Variants in LDLRAD3 observed in about 807,000 individuals in gnomAD.
LDLRAD3 encodes the protein low-density lipoprotein receptor class A domain-containing protein 3.
A neutral mutation model predicts 29.4 loss-of-function variants in LDLRAD3; 20 were observed. The observed-to-expected ratio is 0.68, with a 90% CI of 0.48 to 0.99. LDLRAD3 has a LOEUF of 0.99. LDLRAD3 is among the 50% of genes least tolerant of loss of function. The probability of loss-of-function intolerance (pLI) is 0.00; values close to 1 mark genes in which losing one functional copy is unlikely to be tolerated. For missense variants in LDLRAD3, 420 were observed against 454.3 expected, an observed-to-expected ratio of 0.92 and a Z score of 0.69; for synonymous variants, 157 against 192.7, an observed-to-expected ratio of 0.81 and a Z score of 1.53.
At chr11:36,019,765 T>A (rs1852070836) in intron 1 of LDLRAD3, among the ~76,000 whole-genome samples, 1 of 152,068 alleles carries the variant, frequency 6.6e-6, no homozygotes, top group Non-Finnish European at 1.5e-5. Context: ...AAGGCCAAAG[T>A]TAGGGTGCTA....
At chr11:36,039,205 G>A (rs1852348926) in intron 2 of LDLRAD3, among the ~76,000 whole-genome samples, 2 of 152,034 alleles carry the variant, frequency 1.3e-5, no homozygotes, top group South Asian at 2.1e-4. Flanking sequence ...TCCTGACCTC[G>A]TGACCCGCCC....
intron 4 of LDLRAD3, among the ~76,000 whole-genome samples, chr11:36,118,452 A>G (rs1164081221): frequency 6.6e-6 from 1 of 151,664 alleles, no homozygotes; most frequent in Non-Finnish European, 1.5e-5. Flanking sequence ...CTACTGTGCC[A>G]TTTGACACAC....
intron 4 of LDLRAD3, among the ~76,000 whole-genome samples, chr11:36,185,607 G>A (rs1854836552): frequency 6.6e-6 from 1 of 152,106 alleles, no homozygotes; most frequent in Non-Finnish European, 1.5e-5. Context: ...CTGTACCTGG[G>A]CTCCCTCACT....
At chr11:36,114,093 C>A (rs1853642101) in intron 4 of LDLRAD3, among the ~76,000 whole-genome samples, 1 of 152,192 alleles carries the variant, frequency 6.6e-6, no homozygotes. Flanking sequence ...GCCACAGACT[C>A]TTTTGGACTG....
At chr11:36,215,216 C>T (rs2133384584) in intron 4 of LDLRAD3, among the ~76,000 whole-genome samples, 1 of 152,104 alleles carries the variant, frequency 6.6e-6, no homozygotes, top group Middle Eastern at 3.4e-3. Context: ...CAGCAGCAGC[C>T]AGGGAGGAGC....
intron 3 of LDLRAD3, among the ~76,000 whole-genome samples, chr11:36,083,089 G>T (rs145807616): frequency 8.6e-4 from 131 of 152,286 alleles, no homozygotes; most frequent in Middle Eastern, 3.4e-3. Context: ...CAAATCCTCT[G>T]CCCCAACACA....
intron 1 of LDLRAD3, among the ~76,000 whole-genome samples, chr11:36,032,089 C>T (rs1852242123): frequency 6.6e-6 from 1 of 152,190 alleles, no homozygotes; most frequent in Non-Finnish European, 1.5e-5. Flanking sequence ...GGACATCAGT[C>T]ATATGGAATT....
chr11:36,165,098 A>G (rs545132104), intron 4 of LDLRAD3, among the ~76,000 whole-genome samples: 1 of 152,324 alleles, frequency 6.6e-6, no homozygotes, highest in Admixed American at 6.5e-5. Context: ...TTCCATGCCT[A>G]GGCAATGGAG....
chr11:35,950,385 C>T (rs946924647), intron 1 of LDLRAD3, among the ~76,000 whole-genome samples: 1 of 152,166 alleles, frequency 6.6e-6, no homozygotes, highest in African/African-American at 2.4e-5. Flanking sequence ...AGATAAAATA[C>T]TGGTATACGT....
Position 35,999,254 on chromosome 11 carries a change from A to G in LDLRAD3, c.47-36849A>G, listed in dbSNP as rs556890303. Among the ~76,000 whole-genome samples, 32 of 152,282 alleles carry G rather than the reference A, an allele frequency of 2.1e-4. No homozygotes were observed. In the South Asian group the frequency reaches 3.1e-3, roughly 15 times the overall value. On this transcript the variant is annotated intron_variant, in intron 1 of 5. Coordinates refer to ENST00000315571, the MANE Select transcript of LDLRAD3 (RefSeq NM_174902.4). ...CTGGGTGCAGCCTAGAACCGAATGT[A>G]TGTTATAAAAGAGGTGCAGGAAAGT...
chr11:36,119,124 G>GCTCGTCCGTAAT (rs1270647715), intron 4 of LDLRAD3, among the ~76,000 whole-genome samples: 1 of 151,982 alleles, frequency 6.6e-6, no homozygotes, highest in African/African-American at 2.4e-5. Flanking sequence ...AATAAAAAAG[G>GCTCGTCCGTAAT]TTCGTCCGTA....
At chr11:36,025,692 ATT>A (rs1182449388) in intron 1 of LDLRAD3, among the ~76,000 whole-genome samples, 1 of 147,356 alleles carries the variant, frequency 6.8e-6, no homozygotes, top group African/African-American at 2.5e-5. Flanking sequence ...CCCGGCCCAG[ATT>A]TTTTTTTAAG....
rs1278608858 is a variant in LDLRAD3, at chr11:36,227,426, C to G, written c.796C>G (p.Gln266Glu). The G allele has an allele frequency of 1.9e-6, 3 of 1,570,238 alleles. No homozygotes were observed. The highest frequency in any genetic ancestry group is 2.6e-6 in the Non-Finnish European group (3 of 1,158,816). Residue 266 changes from glutamine (Q) to glutamate (E), a missense_variant, in exon 5 of 6, where the codon CAG becomes GAG. Coordinates refer to ENST00000315571, the MANE Select transcript of LDLRAD3 (RefSeq NM_174902.4). ...PPSYSEALLD[Q>E]RPAWYDLPPP... ...CTCCTACTCCGAGGCCTTGCTGGAC[C>G]AGAGGTGTGTGCTGGATGGAAGAGA...
intron 4 of LDLRAD3, among the ~76,000 whole-genome samples, chr11:36,225,540 A>C (rs545910328): frequency 6.6e-6 from 1 of 152,190 alleles, no homozygotes; most frequent in South Asian, 2.1e-4. Flanking sequence ...ACTCCCGAGG[A>C]AGTGCCTGCA....
intron 1 of LDLRAD3, among the ~76,000 whole-genome samples, chr11:36,004,804 C>A (rs909794209): frequency 6.6e-6 from 1 of 152,202 alleles, no homozygotes; most frequent in Non-Finnish European, 1.5e-5. Context: ...TCAACTCTTG[C>A]CTTCTGTGCA....
chr11:36,076,757 T>G (rs1853017369), intron 2 of LDLRAD3, among the ~76,000 whole-genome samples: 1 of 152,186 alleles, frequency 6.6e-6, no homozygotes, highest in Non-Finnish European at 1.5e-5. Flanking sequence ...ACATATTTGT[T>G]CACCCCTAGT....
chr11:36,056,705 C>T (rs566047786), intron 2 of LDLRAD3, among the ~76,000 whole-genome samples: 2 of 152,306 alleles, frequency 1.3e-5, no homozygotes, highest in South Asian at 4.1e-4. Flanking sequence ...CTGAAGGGTG[C>T]AGCAGTGGCT....
intron 2 of LDLRAD3, among the ~76,000 whole-genome samples, chr11:36,073,008 C>T (rs149937993): frequency 1.0e-5 from 1 of 98,052 alleles, no homozygotes; most frequent in South Asian, 2.9e-4. Context: ...GAGTTCTTTA[C>T]TCTGAGACTT....
intron 1 of LDLRAD3, among the ~76,000 whole-genome samples, chr11:35,957,787 C>T (rs1392784416): frequency 8.1e-6 from 1 of 123,110 alleles, no homozygotes; most frequent in African/African-American, 3.4e-5. Context: ...CAGAGTGAGA[C>T]CTTATCTCAA....
Sources: allele counts gnomAD v4.1 joint callset (sites outside exome capture counted in the v4.1 genomes callset), GRCh38; gene constraint gnomAD v4.1.1; transcripts MANE v1.5; gene names NCBI Gene and HGNC (gene_info 2026-07-23, HGNC 2026-07-21).